MRAP2: variants seen among roughly 807,000 people sequenced by gnomAD.
MRAP2 encodes melanocortin 2 receptor accessory protein 2.
Under a neutral mutation model 17.4 loss-of-function variants are expected in MRAP2, and 20 were observed. The ratio of observed to expected loss-of-function variants is 1.15; its 90% CI spans 0.81 to 1.67. The LOEUF is 1.67. Among genes scored for constraint, MRAP2 ranks in the 40% most tolerant of loss-of-function variants. MRAP2 has a pLI of 0.00. For synonymous variants in MRAP2, 96 were observed against 88.4 expected, an observed-to-expected ratio of 1.09 and a Z score of -0.48; for missense variants, 238 against 240.0, an observed-to-expected ratio of 0.99 and a Z score of 0.05.
chr6:84,114,841 A>C, the MRAP2 span, among the ~76,000 whole-genome samples: 1 of 152,148 alleles, frequency 6.6e-6, no homozygotes, highest in African/African-American at 2.4e-5. Flanking sequence ...CCACTGCTGC[A>C]GGTCGCTGGA....
the MRAP2 span, among the ~76,000 whole-genome samples, chr6:84,096,088 A>T: frequency 4.2e-3 from 646 of 152,264 alleles, 4 homozygotes; most frequent in Middle Eastern, 0.02. Flanking sequence ...CCTGTTCTCT[A>T]TGGAGTAAAG....
At chr6:84,129,127 T>C in the MRAP2 span, among the ~76,000 whole-genome samples, 10 of 152,200 alleles carry the variant, frequency 6.6e-5, no homozygotes, top group South Asian at 2.1e-4. Flanking sequence ...GTCTTTGCTA[T>C]TGTGAATAGT....
At chr6:84,145,225 A>G in the MRAP2 span, among the ~76,000 whole-genome samples, 7 of 152,234 alleles carry the variant, frequency 4.6e-5, no homozygotes, top group East Asian at 1.4e-3. Flanking sequence ...TAGAAGAGAA[A>G]GGAATTTACC....
In MRAP2 at chr6:84,063,211, T is replaced by C. The variant is rs887662943; in HGVS notation, c.227+219T>C. The C allele has an allele frequency of 1.3e-5, 13 of 985,306 alleles. No individual in the cohort carries two copies. In the African/African-American group the frequency reaches 1.9e-4, roughly 15 times the overall value. 61.0% of individuals were successfully genotyped at this position (985,306 alleles called of 1,614,324 possible). A position where few individuals can be genotyped will look rare whatever the true frequency, so the allele number is the denominator to read the frequency against. Reference sequence around the variant, plus strand: ...TATTTTCAAGTGGACTTTTATGAAATTGGGTTTCTTGGTCCTTTCCTACAG... The same window carrying C: ...TATTTTCAAGTGGACTTTTATGAAACTGGGTTTCTTGGTCCTTTCCTACAG... On this transcript the variant is annotated intron_variant, in intron 3 of 3. Transcript: ENST00000257776.
At chr6:84,133,518 T>C in the MRAP2 span, among the ~76,000 whole-genome samples, 2 of 152,146 alleles carry the variant, frequency 1.3e-5, no homozygotes, top group South Asian at 4.1e-4. Context: ...TCCACCCAGT[T>C]TGAGCTTCCT....
rs143554758 is a variant in MRAP2, at chr6:84,081,098, A to T, written c.228-7993A>T. 4.6e-5 allele frequency among the ~76,000 whole-genome samples: 7 copies of T among 152,366 alleles called. No homozygotes were observed. In the East Asian group the frequency reaches 1.3e-3, roughly 29 times the overall value. ...CAACAGTTGTATTAGGGATGTTGAC[A>T]AAGTCACCCATTGGGTGCACTAAAG... On this transcript the variant is annotated intron_variant, in intron 3 of 3. Transcript: ENST00000257776.
intron 3 of MRAP2, among the ~76,000 whole-genome samples, chr6:84,073,804 GC>G (rs1479357168): frequency 6.6e-6 from 1 of 151,870 alleles, no homozygotes; most frequent in African/African-American, 2.4e-5. Context: ...CCAACCTGCG[GC>G]CCAGAATAGC....
chr6:84,127,475 T>C, the MRAP2 span, among the ~76,000 whole-genome samples: 1 of 152,108 alleles, frequency 6.6e-6, no homozygotes, highest in Non-Finnish European at 1.5e-5. Context: ...ATAATTGGGA[T>C]GGTTTGCAGA....
intron 1 of MRAP2, among the ~76,000 whole-genome samples, chr6:84,054,842 A>C (rs1455913636): frequency 3.9e-5 from 6 of 152,200 alleles, no homozygotes; most frequent in Admixed American, 2.6e-4. Flanking sequence ...AGACTAAAAA[A>C]TTCCCTTATA....
the MRAP2 span, among the ~76,000 whole-genome samples, chr6:84,128,663 A>G: frequency 1.3e-5 from 2 of 152,138 alleles, no homozygotes. Context: ...AGGTATATAA[A>G]ACACTTTGCA....
intron 3 of MRAP2, chr6:84,063,507 G>A: frequency 1.2e-6 from 1 of 801,390 alleles, no homozygotes; most frequent in Non-Finnish European, 1.5e-6. Context: ...CAAACACTGT[G>A]GTTTACATAA....
chr6:84,061,231 A>G (rs1280030409), intron 2 of MRAP2, among the ~76,000 whole-genome samples: 1 of 152,234 alleles, frequency 6.6e-6, no homozygotes, highest in East Asian at 1.9e-4. Context: ...TAATTAGAAT[A>G]AAGCTTTGCA....
downstream of MRAP2, among the ~76,000 whole-genome samples, chr6:84,091,849 C>T (rs932081749): frequency 6.6e-6 from 1 of 152,182 alleles, no homozygotes; most frequent in Admixed American, 6.5e-5. Flanking sequence ...TACAGCACAG[C>T]AGGCCACATA....
chr6:84,106,688 G>A, the MRAP2 span, among the ~76,000 whole-genome samples: 2 of 152,254 alleles, frequency 1.3e-5, no homozygotes, highest in South Asian at 4.1e-4. Flanking sequence ...GGAGAAAGAA[G>A]ACAATATAAC....
In MRAP2 at chr6:84,034,982, G is replaced by A. The variant is rs1283475617; in HGVS notation, c.-8+1099G>A. ...CAGGAGAGTGACGAGGGCCTGCAAG[G>A]ATAAGGTCAGGAAAGCCAGAGGCCA... On this transcript the variant is annotated intron_variant, in intron 1 of 3. Transcript: ENST00000257776. 2.0e-5 allele frequency among the ~76,000 whole-genome samples: 3 copies of A among 152,150 alleles called. No homozygotes were observed. The East Asian group carries it at 5.8e-4, about 29-fold the overall frequency.
intron 2 of MRAP2, among the ~76,000 whole-genome samples, 179 bp downstream of exon 2, chr6:84,055,624 A>G (rs1177225373): frequency 6.6e-6 from 1 of 152,210 alleles, no homozygotes; most frequent in Non-Finnish European, 1.5e-5. Flanking sequence ...GGAATGGTAC[A>G]GGAGGGCCTT....
chr6:84,121,879 C>T, the MRAP2 span, among the ~76,000 whole-genome samples: 2 of 138,888 alleles, frequency 1.4e-5, no homozygotes, highest in African/African-American at 6.9e-5. Context: ...AACATCGCAC[C>T]TCAAGGACCT....
chr6:84,136,436 T>C, the MRAP2 span, among the ~76,000 whole-genome samples: 1 of 152,332 alleles, frequency 6.6e-6, no homozygotes, highest in East Asian at 1.9e-4. Context: ...TCTTCTATCA[T>C]GAGCCCACTC....
intron 3 of MRAP2, among the ~76,000 whole-genome samples, chr6:84,072,371 T>C (rs1230068048): frequency 6.6e-6 from 1 of 152,230 alleles, no homozygotes; most frequent in Non-Finnish European, 1.5e-5. Flanking sequence ...CCAGCAAGTC[T>C]ACCTGGCTCT....
Sources: gnomAD v4.1 joint callset for allele counts (sites outside exome capture counted in the v4.1 genomes callset) on GRCh38, gnomAD v4.1.1 for gene constraint, MANE v1.5 for transcripts, NCBI Gene and HGNC (gene_info 2026-07-23, HGNC 2026-07-21) for gene names.